ZSCAN4: variants seen among roughly 807,000 people sequenced by gnomAD.
ZSCAN4 encodes the protein zinc finger and SCAN domain containing 4, also known as zinc finger and SCAN domain-containing protein 4.
ZSCAN4 carries 18 observed loss-of-function variants against 18.3 expected under a neutral mutation model. That is an observed-to-expected ratio of 0.98 (90% CI 0.68 to 1.46). The LOEUF (loss-of-function observed/expected upper bound fraction) is 1.46, where lower values mean the gene tolerates loss of function less well. ZSCAN4 is among the 40% of genes most tolerant of loss of function. ZSCAN4 has a pLI of 0.00. For missense variants in ZSCAN4, 498 were observed against 511.4 expected, an observed-to-expected ratio of 0.97 and a Z score of 0.25; for synonymous variants, 193 against 180.3, an observed-to-expected ratio of 1.07 and a Z score of -0.57.
chr19:57,673,331 A>G (rs1984080848), intron 2 of ZSCAN4, among the ~76,000 whole-genome samples: 1 of 152,034 alleles, frequency 6.6e-6, no homozygotes, highest in South Asian at 2.1e-4. Flanking sequence ...CCGGCCACAT[A>G]TTTATTTTAT....
chr19:57,663,520 TAAA>T, the ZSCAN4 span, among the ~76,000 whole-genome samples: 896 of 66,574 alleles, frequency 0.013, 14 homozygotes, highest in African/African-American at 0.045. Context: ...ACCATGTCTC[TAAA>T]AAAAAAAAAA....
the ZSCAN4 span, among the ~76,000 whole-genome samples, chr19:57,658,091 A>G: frequency 6.6e-6 from 1 of 152,238 alleles, no homozygotes; most frequent in African/African-American, 2.4e-5. Flanking sequence ...AAGACTGGAA[A>G]ACAAAAACAA....
At chr19:57,652,894 T>C in the ZSCAN4 span, among the ~76,000 whole-genome samples, 3 of 152,282 alleles carry the variant, frequency 2.0e-5, 1 homozygote, top group African/African-American at 7.2e-5. Flanking sequence ...TAATCTGGCA[T>C]GACCTTTATG....
At chr19:57,661,996 A>C in the ZSCAN4 span, among the ~76,000 whole-genome samples, 9 of 151,408 alleles carry the variant, frequency 5.9e-5, no homozygotes, top group African/African-American at 1.9e-4. Flanking sequence ...CAGGGGAATC[A>C]CTTGAACCTG....
In ZSCAN4 at chr19:57,678,669, C is replaced by T. The variant is rs141505405; in HGVS notation, c.1066C>T (p.Arg356Trp). The T allele has an allele frequency of 2.2e-5, 36 of 1,614,124 alleles. No homozygotes were observed. Among genetic ancestry groups the T allele is most frequent in the Middle Eastern group, 1.6e-4 (1 of 6,062 alleles). Residue 356 changes from arginine to tryptophan, a missense_variant, in exon 5 of 5, where the codon CGG becomes TGG. Arg to Trp is a moderately radical substitution (Grantham distance 101). Transcript: ENST00000318203. ...AGGCTTCTTCCAGATATCAGACCTACGGGTGCATCAGATAATTCACACAGG... is the reference window on the plus strand; with the variant it reads ...AGGCTTCTTCCAGATATCAGACCTATGGGTGCATCAGATAATTCACACAGG...
upstream of ZSCAN4, among the ~76,000 whole-genome samples, chr19:57,668,157 G>A (rs1328745116): frequency 1.3e-5 from 2 of 152,040 alleles, no homozygotes; most frequent in African/African-American, 2.4e-5. Context: ...ACCCGCCTCG[G>A]CCTCCCAAAG....
At chr19:57,678,133 A>C (rs911755141) in intron 4 of ZSCAN4, 33 bp from the exon 5 acceptor site, 2 of 1,600,934 alleles carry the variant, frequency 1.2e-6, no homozygotes, top group African/African-American at 1.3e-5. Flanking sequence ...ACCCCTTCTT[A>C]AGTACAACTT....
chr19:57,664,956 C>T (rs1983816999), upstream of ZSCAN4: 1 of 158,138 alleles, frequency 6.3e-6, no homozygotes, highest in Admixed American at 6.5e-5. Flanking sequence ...CTCATGGAGA[C>T]CGGCCTGGGA....
chr19:57,671,916 T>C (rs1354129858), intron 2 of ZSCAN4, among the ~76,000 whole-genome samples: 1 of 152,226 alleles, frequency 6.6e-6, no homozygotes, highest in African/African-American at 2.4e-5. Context: ...CACGTATTAC[T>C]CCTACCATTT....
upstream of ZSCAN4, chr19:57,665,153 C>T (rs2075576049): frequency 6.6e-6 from 1 of 152,450 alleles, no homozygotes; most frequent in African/African-American, 2.4e-5. Flanking sequence ...GGTCTTTTAC[C>T]TTTTGGGATC....
chr19:57,670,139 G>A (rs1317471767), intron 1 of ZSCAN4, 106 bp from the exon 2 acceptor site: 1 of 152,224 alleles, frequency 6.6e-6, no homozygotes, highest in Admixed American at 6.5e-5. Context: ...CTGATCTCAG[G>A]TGATCTGCCT....
chr19:57,651,923 C>T, the ZSCAN4 span, among the ~76,000 whole-genome samples: 1 of 152,094 alleles, frequency 6.6e-6, no homozygotes, highest in East Asian at 1.9e-4. Context: ...TCTCATATTT[C>T]CAGAAAAGCC....
chr19:57,652,879 T>C, the ZSCAN4 span, among the ~76,000 whole-genome samples: 1 of 152,168 alleles, frequency 6.6e-6, no homozygotes, highest in Admixed American at 6.5e-5. Context: ...CTCAATCTTA[T>C]GACCTAATCT....
chr19:57,676,608 T>C, intron 3 of ZSCAN4, 67 bp downstream of exon 3: 3 of 1,514,298 alleles, frequency 2.0e-6, no homozygotes, highest in Non-Finnish European at 1.8e-6. Flanking sequence ...CACAGTCAGT[T>C]AGAGTTGTCT....
At chr19:57,678,836 C>T (rs1202175346) in exon 5 of ZSCAN4, 3 of 1,613,964 alleles carry the variant, frequency 1.9e-6, no homozygotes, top group Non-Finnish European at 1.7e-6. Context: ...CATCCACATA[C>T]CACCGCCATA....
chr19:57,671,879 C>T (rs988882326), intron 2 of ZSCAN4, among the ~76,000 whole-genome samples: 2 of 152,198 alleles, frequency 1.3e-5, no homozygotes, highest in African/African-American at 4.8e-5. Flanking sequence ...CATTAACTAA[C>T]AGAAATCAGT....
At position 57,676,443 on chromosome 19, in the gene ZSCAN4, G is replaced by A. The variant is rs771259416; in HGVS notation, c.298G>A (p.Asp100Asn). Residue 100 changes from aspartate to asparagine, a missense_variant, in exon 3 of 5, where the codon GAC (aspartate) becomes AAC (asparagine). By Grantham distance (23) the Asp-to-Asn change is conservative (BLOSUM62 1). Transcript: ENST00000318203. ...GTTTATGATTGGTGGCCACTGCAAT[G>A]ACAAAGCCAGTGTGAAAGAGAAATG... 1.7e-5 allele frequency: 28 copies of A among 1,614,218 alleles called. No homozygotes were observed. Among genetic ancestry groups the A allele is most frequent in the Admixed American group, 1.2e-4 (7 of 60,030 alleles).
chr19:57,652,334 C>T, the ZSCAN4 span, among the ~76,000 whole-genome samples: 37 of 152,256 alleles, frequency 2.4e-4, no homozygotes, highest in African/African-American at 7.7e-4. Flanking sequence ...CCAAATTCAA[C>T]GTGATCTAAA....
intron 1 of ZSCAN4, among the ~76,000 whole-genome samples, chr19:57,669,567 C>T (rs1323404321): frequency 6.6e-6 from 1 of 152,100 alleles, no homozygotes; most frequent in Non-Finnish European, 1.5e-5. Context: ...GCTGGGACTA[C>T]AGGCACGCGC....
Sources: allele counts gnomAD v4.1 joint callset (sites outside exome capture counted in the v4.1 genomes callset), GRCh38; gene constraint gnomAD v4.1.1; transcripts MANE v1.5; gene names NCBI Gene and HGNC (gene_info 2026-07-23, HGNC 2026-07-21).